The following ERCC6L2 variants were observed in gnomAD, a reference collection of about 807,000 sequenced individuals.
ERCC6L2 encodes the protein ERCC excision repair 6 like 2, also known as DNA excision repair protein ERCC-6-like 2.
A neutral mutation model predicts 132.0 loss-of-function variants in ERCC6L2; 77 were observed. That is an observed-to-expected ratio of 0.58 (90% CI 0.49 to 0.71). The LOEUF (loss-of-function observed/expected upper bound fraction) is 0.71. ERCC6L2 is among the 30% of genes least tolerant of loss of function. ERCC6L2 has a pLI of 0.00. For missense variants in ERCC6L2, 1,542 were observed against 1,837.6 expected (o/e 0.84, Z 2.94); for synonymous variants, 583 against 632.4 (o/e 0.92, Z 1.17).
At chr9:95,924,073 A>G (rs1424428239) in intron 9 of ERCC6L2, among the ~76,000 whole-genome samples, 4 of 152,222 alleles carry the variant, frequency 2.6e-5, no homozygotes, top group African/African-American at 9.6e-5. Context: ...CTTAGTGTCT[A>G]TCAAGAATCT....
chr9:95,990,515 G>C (rs1452156719), intron 17 of ERCC6L2, among the ~76,000 whole-genome samples: 1 of 152,200 alleles, frequency 6.6e-6, no homozygotes, highest in Admixed American at 6.5e-5. Context: ...ACAGGCAGTG[G>C]CCCTTAATTG....
intron 3 of ERCC6L2, among the ~76,000 whole-genome samples, chr9:95,905,568 A>G (rs544963812): frequency 2.0e-5 from 3 of 152,312 alleles, no homozygotes; most frequent in African/African-American, 7.2e-5. Context: ...GGACTTAGTA[A>G]TTGGAGGCCT....
chr9:95,997,105 C>G (rs1833497128), intron 17 of ERCC6L2, among the ~76,000 whole-genome samples: 2 of 152,202 alleles, frequency 1.3e-5, no homozygotes, highest in African/African-American at 4.8e-5. Flanking sequence ...TTTCATAAGA[C>G]TGTAACTGGC....
chr9:95,937,096 T>G (rs946923505), intron 11 of ERCC6L2, among the ~76,000 whole-genome samples: 2 of 152,230 alleles, frequency 1.3e-5, no homozygotes, highest in African/African-American at 2.4e-5. Context: ...GTGTACAGAC[T>G]TTTGTTTGAA....
chr9:95,921,644 G>A (rs986301567), intron 7 of ERCC6L2, among the ~76,000 whole-genome samples: 1 of 152,038 alleles, frequency 6.6e-6, no homozygotes, highest in Non-Finnish European at 1.5e-5. Flanking sequence ...AATAGTAAAC[G>A]AACATACTCT....
chr9:96,030,659 G>A (rs1454732435), intron 19 of ERCC6L2, among the ~76,000 whole-genome samples: 6 of 138,054 alleles, frequency 4.3e-5, no homozygotes, highest in East Asian at 4.4e-4. Context: ...CCGAGATTGC[G>A]CCACTGCACT....
At chr9:95,930,718 C>T (rs1409068089) in intron 11 of ERCC6L2, among the ~76,000 whole-genome samples, 3 of 151,968 alleles carry the variant, frequency 2.0e-5, no homozygotes, top group Non-Finnish European at 2.9e-5. Context: ...AGATCTTTTT[C>T]CTGGATCCCG....
chr9:95,998,117 T>A (rs573425239), intron 17 of ERCC6L2, among the ~76,000 whole-genome samples: 1 of 152,294 alleles, frequency 6.6e-6, no homozygotes, highest in African/African-American at 2.4e-5. Flanking sequence ...CATATACACC[T>A]TTAAGAACAT....
chr9:95,952,852 A>AT (rs1446832294), intron 12 of ERCC6L2, among the ~76,000 whole-genome samples: 1 of 151,592 alleles, frequency 6.6e-6, no homozygotes, highest in Non-Finnish European at 1.5e-5. Context: ...AAAAAAAAAA[A>AT]GGAAACTACT....
rs7861266 is a variant in ERCC6L2 at position 95,945,130 on chromosome 9, A to G, written c.1847+3581A>G. ...GGAGACTGGGGCTTATTTCATCCCT[A>G]CAGTAGTGACCATAAAAGACGGCCG... On this transcript the variant is annotated intron_variant, in intron 12 of 18. Coordinates refer to ENST00000653738, the MANE Select transcript of ERCC6L2 (RefSeq NM_020207.7). 4.4e-3 allele frequency among the ~76,000 whole-genome samples: 665 copies of G among 152,266 alleles called. 6 individuals are homozygous for G. Among genetic ancestry groups the G allele is most frequent in the Non-Finnish European group, 7.0e-3 (474 of 68,012 alleles).
At chr9:95,900,447 A>C (rs1262061929) in intron 3 of ERCC6L2, among the ~76,000 whole-genome samples, 1 of 151,818 alleles carries the variant, frequency 6.6e-6, no homozygotes, top group Non-Finnish European at 1.5e-5. Context: ...TTTAATATGT[A>C]GTTTTTTCGT....
rs564037892 is a variant in ERCC6L2, at chr9:95,952,341, C to T, written c.1848-3573C>T. ...CCAATAATCTTTATGAATGTTAATG[C>T]AAAAATACTCAGTAAAATGCCAGCA... is the stretch of plus-strand genomic sequence containing the variant. On this transcript the variant is annotated intron_variant, in intron 12 of 18. Coordinates refer to ENST00000653738, the MANE Select transcript of ERCC6L2 (RefSeq NM_020207.7). Among the ~76,000 whole-genome samples the T allele has an allele frequency of 5.3e-5, 8 of 151,900 alleles. No individual in the cohort carries two copies. The South Asian group carries it at 1.5e-3, about 28-fold the overall frequency.
chr9:96,003,026 A>G (rs1833743049), intron 17 of ERCC6L2, among the ~76,000 whole-genome samples: 1 of 151,946 alleles, frequency 6.6e-6, no homozygotes, highest in Admixed American at 6.6e-5. Context: ...TTATCCTTCC[A>G]GTTTATCAAC....
At chr9:95,966,890 C>T (rs978410028) in intron 14 of ERCC6L2, 176 bp downstream of exon 14, 6 of 434,158 alleles carry the variant, frequency 1.4e-5, no homozygotes, top group Non-Finnish European at 2.4e-5. Flanking sequence ...TACCTCTAAA[C>T]TAAGATTTTC....
intron 19 of ERCC6L2, among the ~76,000 whole-genome samples, chr9:96,034,197 C>T (rs1047228446): frequency 2.0e-5 from 3 of 152,234 alleles, no homozygotes; most frequent in African/African-American, 4.8e-5. Flanking sequence ...GAGGGGGGTC[C>T]GGCTGACGTT....
At chr9:96,001,395 A>T (rs1833672706) in intron 17 of ERCC6L2, among the ~76,000 whole-genome samples, 1 of 152,086 alleles carries the variant, frequency 6.6e-6, no homozygotes, top group African/African-American at 2.4e-5. Flanking sequence ...CCTGAGCTAG[A>T]TACAAAGGTT....
chr9:95,933,636 G>A (rs1376500426), intron 11 of ERCC6L2, among the ~76,000 whole-genome samples: 1 of 152,136 alleles, frequency 6.6e-6, no homozygotes, highest in East Asian at 1.9e-4. Flanking sequence ...CCTGAGGTCA[G>A]GAGTTCGAGA....
chr9:95,955,519 A>G (rs1480894701), intron 12 of ERCC6L2, among the ~76,000 whole-genome samples: 1 of 151,594 alleles, frequency 6.6e-6, no homozygotes, highest in Non-Finnish European at 1.5e-5. Context: ...CTTATCCCCA[A>G]GCAACCACTA....
At chr9:95,974,869 ATACT>A (rs1034112536) in intron 16 of ERCC6L2, among the ~76,000 whole-genome samples, 22 of 152,034 alleles carry the variant, frequency 1.4e-4, no homozygotes, top group African/African-American at 4.6e-4. Context: ...ATTTGTATTG[ATACT>A]TAATTTGAGA....
Sources: gnomAD v4.1 joint callset for allele counts (sites outside exome capture counted in the v4.1 genomes callset) on GRCh38, gnomAD v4.1.1 for gene constraint, MANE v1.5 for transcripts, NCBI Gene and HGNC (gene_info 2026-07-23, HGNC 2026-07-21) for gene names.